The following SEMA3E variants were observed in gnomAD, a reference collection of about 807,000 sequenced individuals.
SEMA3E encodes the protein semaphorin 3E, also known as semaphorin-3E.
SEMA3E carries 49 observed loss-of-function variants against 93.6 expected under a neutral mutation model. That is an observed-to-expected ratio of 0.52 (90% CI 0.42 to 0.66). SEMA3E has a LOEUF of 0.66. SEMA3E is among the 30% of genes least tolerant of loss of function. The pLI, the probability that SEMA3E is intolerant of heterozygous loss-of-function variation, is 0.00. For synonymous variants in SEMA3E, 363 were observed against 330.7 expected, an observed-to-expected ratio of 1.10 and a Z score of -1.06; for missense variants, 906 against 964.8, an observed-to-expected ratio of 0.94 and a Z score of 0.81.
intron 1 of SEMA3E, among the ~76,000 whole-genome samples, chr7:83,585,898 C>G (rs954617598): frequency 6.6e-6 from 1 of 152,094 alleles, no homozygotes; most frequent in Non-Finnish European, 1.5e-5. Flanking sequence ...TGTAGTGGGA[C>G]CTGCCTTGCT....
intron 4 of SEMA3E, among the ~76,000 whole-genome samples, chr7:83,460,208 T>C (rs1789581716): frequency 6.6e-6 from 1 of 152,138 alleles, no homozygotes; most frequent in Non-Finnish European, 1.5e-5. Flanking sequence ...AAGATCCACC[T>C]ACGACCTCAG....
intron 1 of SEMA3E, among the ~76,000 whole-genome samples, chr7:83,644,154 G>A (rs1364197525): frequency 1.3e-5 from 2 of 151,556 alleles, no homozygotes; most frequent in African/African-American, 2.4e-5. Flanking sequence ...AATGTGTGTT[G>A]TAGAGTGAAT....
At chr7:83,549,501 C>G (rs1693387) in intron 1 of SEMA3E, among the ~76,000 whole-genome samples, 1 of 151,794 alleles carries the variant, frequency 6.6e-6, no homozygotes. Context: ...TTTAAATATA[C>G]TTTTATCCCA....
chr7:83,428,597 C>T (rs553826403), intron 4 of SEMA3E, among the ~76,000 whole-genome samples: 10 of 151,998 alleles, frequency 6.6e-5, no homozygotes, highest in African/African-American at 2.4e-4. Context: ...GTTTCTCCTG[C>T]CAAGCAATAA....
rs1381902967 is a variant in SEMA3E at position 83,367,698 on chromosome 7, CTCTT to C, written c.2212_2215del (p.Lys738GlyfsTer47). On this transcript the variant is annotated frameshift_variant, in exon 17 of 17. Transcript: ENST00000643230. LOFTEE classifies it high-confidence loss of function. ...GGAGGGTGACATTTTAAGCTTTTTC[CTCTT>C]TCTATCTGTGCACCATACTTTCTCG... 4 of 1,613,936 alleles carry C rather than the reference CTCTT, an allele frequency of 2.5e-6. No homozygotes were observed. The highest frequency in any genetic ancestry group is 3.4e-6 in the Non-Finnish European group (4 of 1,180,008).
intron 1 of SEMA3E, among the ~76,000 whole-genome samples, chr7:83,524,577 C>T (rs1040388706): frequency 3.9e-5 from 6 of 152,048 alleles, no homozygotes. Context: ...GAATTGTGAG[C>T]TCTCGTGCTA....
At chr7:83,545,747 ATGTG>A (rs146370090) in intron 1 of SEMA3E, among the ~76,000 whole-genome samples, 2 of 148,544 alleles carry the variant, frequency 1.3e-5, no homozygotes, top group African/African-American at 2.5e-5. Flanking sequence ...ATGTATATGT[ATGTG>A]TGTGTGTGTT....
chr7:83,396,188 A>G (rs1433480992), intron 12 of SEMA3E, among the ~76,000 whole-genome samples: 1 of 151,748 alleles, frequency 6.6e-6, no homozygotes, highest in Non-Finnish European at 1.5e-5. Flanking sequence ...TTGTTTTTTC[A>G]TGTCTTTTTT....
chr7:83,416,257 G>A (rs544277164), intron 5 of SEMA3E, among the ~76,000 whole-genome samples: 1 of 152,124 alleles, frequency 6.6e-6, no homozygotes, highest in East Asian at 1.9e-4. Context: ...AGCTTGGAGG[G>A]CTCCTTTGAT....
chr7:83,415,212 C>A (rs1788517611), intron 5 of SEMA3E, among the ~76,000 whole-genome samples: 1 of 152,068 alleles, frequency 6.6e-6, no homozygotes, highest in South Asian at 2.1e-4. Flanking sequence ...ATTGTTTCAA[C>A]AAGCTGCTTT....
chr7:83,408,448 C>T lies in SEMA3E; in HGVS notation c.590G>A (p.Ser197Asn). The part of the protein sequence containing the change: ...LFAGLYSDYW[S>N]RDAAIFRSMG... ...GCTGCGGAAGATCGCAGCGTCTCTGCTCCAGTAGTCACTGTAGAGTCCAGC... is the reference window on the plus strand; with the variant it reads ...GCTGCGGAAGATCGCAGCGTCTCTGTTCCAGTAGTCACTGTAGAGTCCAGC... Residue 197 changes from serine to asparagine, a missense_variant, in exon 6 of 17, where the codon AGC becomes AAC. Physicochemically the swap from Ser to Asn is conservative, Grantham distance 46 (BLOSUM62 1). Coordinates refer to ENST00000643230, the MANE Select transcript of SEMA3E (RefSeq NM_012431.3). 2 of 1,613,800 alleles carry T rather than the reference C, an allele frequency of 1.2e-6. No homozygotes were observed. Among genetic ancestry groups the T allele is most frequent in the South Asian group, 2.2e-5 (2 of 91,088 alleles).
intron 1 of SEMA3E, among the ~76,000 whole-genome samples, chr7:83,633,409 CT>C (rs1221238276): frequency 6.6e-6 from 1 of 152,156 alleles, no homozygotes; most frequent in African/African-American, 2.4e-5. Flanking sequence ...AATAAATTTG[CT>C]TCTACCACAT....
At chr7:83,594,902 A>C (rs540074922) in intron 1 of SEMA3E, among the ~76,000 whole-genome samples, 1 of 151,652 alleles carries the variant, frequency 6.6e-6, no homozygotes, top group Admixed American at 6.6e-5. Context: ...TATCCAACCC[A>C]ATTTATTCCA....
At chr7:83,632,167 A>C (rs2115676910) in intron 1 of SEMA3E, among the ~76,000 whole-genome samples, 1 of 152,152 alleles carries the variant, frequency 6.6e-6, no homozygotes, top group Non-Finnish European at 1.5e-5. Flanking sequence ...AAAAAAAAAA[A>C]AAAAGTCATT....
chr7:83,453,986 T>A lies in SEMA3E; in HGVS notation c.456+12496A>T, dbSNP rs148648937. Reference sequence around the variant, plus strand: ...ATTAAAGATAATTTTGGGCCGGGCGTGATGGTTCAAGCCTGTAATCCCAGC... The same window carrying A: ...ATTAAAGATAATTTTGGGCCGGGCGAGATGGTTCAAGCCTGTAATCCCAGC... On this transcript the variant is annotated intron_variant, in intron 4 of 16. Transcript: ENST00000643230. 2.8e-3 allele frequency among the ~76,000 whole-genome samples: 421 copies of A among 151,784 alleles called. 2 individuals carry two copies. Among genetic ancestry groups the A allele is most frequent in the African/African-American group, 8.5e-3 (351 of 41,436 alleles).
chr7:83,372,574 G>A (rs1181306618), intron 16 of SEMA3E: 1 of 258,550 alleles, frequency 3.9e-6, no homozygotes, highest in Admixed American at 5.4e-5. Flanking sequence ...AGAAACCCAA[G>A]TTTGAGAAAC....
intron 1 of SEMA3E, among the ~76,000 whole-genome samples, chr7:83,538,445 G>A (rs959084286): frequency 1.3e-5 from 2 of 152,092 alleles, no homozygotes; most frequent in Non-Finnish European, 2.9e-5. Context: ...GTTATGTTGA[G>A]CATCTTTTCA....
intron 1 of SEMA3E, among the ~76,000 whole-genome samples, chr7:83,523,650 A>C (rs79867018): frequency 0.012 from 1,841 of 152,026 alleles, 34 homozygotes; most frequent in African/African-American, 0.04. Flanking sequence ...CTCTCTGGCC[A>C]ATCACCCTGT....
At chr7:83,432,273 T>A (rs998666409) in intron 4 of SEMA3E, among the ~76,000 whole-genome samples, 1 of 71,282 alleles carries the variant, frequency 1.4e-5, no homozygotes, top group African/African-American at 6.6e-5. Flanking sequence ...CATTTGAGGG[T>A]TTTTTTTTTT....
Sources: gnomAD v4.1 joint callset for allele counts (sites outside exome capture counted in the v4.1 genomes callset) on GRCh38, gnomAD v4.1.1 for gene constraint, MANE v1.5 for transcripts, NCBI Gene and HGNC (gene_info 2026-07-23, HGNC 2026-07-21) for gene names.